PTPRF: variants seen among roughly 807,000 people sequenced by gnomAD.
PTPRF encodes the protein protein tyrosine phosphatase receptor type F, also known as receptor-type tyrosine-protein phosphatase F.
In PTPRF, 59 loss-of-function variants were observed where a neutral mutation model predicts 201.8. That is an observed-to-expected ratio of 0.29 (90% confidence interval 0.24 to 0.36). The LOEUF (loss-of-function observed/expected upper bound fraction) is 0.36. Ranked by LOEUF, PTPRF falls within the 10% of genes least tolerant of loss-of-function variation. The pLI is 1.00. For missense variants in PTPRF, 2,132 were observed against 2,690.5 expected, an observed-to-expected ratio of 0.79 and a Z score of 4.59; for synonymous variants, 1,088 against 1,089.7, an observed-to-expected ratio of 1.00 and a Z score of 0.03.
At chr1:43,544,338 G>A (rs140403380) in intron 2 of PTPRF, among the ~76,000 whole-genome samples, 1,600 of 152,324 alleles carry the variant, frequency 0.011, 28 homozygotes, top group African/African-American at 0.037. Context: ...CATGGGAATG[G>A]GTAGGACGAG....
At chr1:43,529,578 A>G (rs1364236432), upstream of PTPRF, among the ~76,000 whole-genome samples, 1 of 150,432 alleles carries the variant, frequency 6.6e-6, no homozygotes, top group Non-Finnish European at 1.5e-5. Flanking sequence ...TACCTGACCC[A>G]GGGCAGTGGG....
chr1:43,529,371 G>A (rs1023154511), upstream of PTPRF, among the ~76,000 whole-genome samples: 1 of 152,182 alleles, frequency 6.6e-6, no homozygotes. Context: ...GTGGTTACCA[G>A]AACCTGATTC....
chr1:43,548,400 C>T (rs1050474986), intron 3 of PTPRF, among the ~76,000 whole-genome samples: 1 of 151,960 alleles, frequency 6.6e-6, no homozygotes, highest in Non-Finnish European at 1.5e-5. Flanking sequence ...TGTGTCATTT[C>T]CCTCCTCCCC....
Position 43,603,477 on chromosome 1 carries a change from C to A in PTPRF, c.2402C>A (p.Thr801Asn), listed in dbSNP as rs2154024505. The A allele has an allele frequency of 6.2e-7, 1 of 1,614,142 alleles. No individual in the cohort carries two copies. The highest frequency in any genetic ancestry group is 2.2e-5 in the East Asian group (1 of 44,878). Reference sequence around the variant, plus strand: ...TACTCCGTTACTGTTGCTGCCTATACCACCAAGGGGGATGGTGCCCGCAGC... The same window carrying A: ...TACTCCGTTACTGTTGCTGCCTATAACACCAAGGGGGATGGTGCCCGCAGC... ...TTYSVTVAAYTTKGDGARSKP... is the reference protein window; with the variant it reads ...TTYSVTVAAYNTKGDGARSKP... The change falls in exon 15 of 34, where the codon ACC (threonine) becomes AAC (asparagine). Residue 801 changes from threonine to asparagine, a missense_variant. By Grantham distance (65) the Thr-to-Asn change is moderately conservative. Coordinates refer to ENST00000359947, the MANE Select transcript of PTPRF (RefSeq NM_002840.5). This position sits in a 1 kb window ranked among gnomAD's most constrained non-coding sequence, Gnocchi z 5.8.
At chr1:43,533,450 G>A (rs1570866811) in intron 1 of PTPRF, among the ~76,000 whole-genome samples, 1 of 152,256 alleles carries the variant, frequency 6.6e-6, no homozygotes, top group South Asian at 2.1e-4. Context: ...CCATCAGCCT[G>A]AACTATGGGA....
At chr1:43,599,233 G>A (rs902316937) in intron 13 of PTPRF, among the ~76,000 whole-genome samples, 2 of 152,060 alleles carry the variant, frequency 1.3e-5, no homozygotes, top group African/African-American at 4.8e-5. Context: ...CTGCCACTGC[G>A]CCTAGCCAAT....
upstream of PTPRF, among the ~76,000 whole-genome samples, chr1:43,525,779 T>A (rs1226078662): frequency 8.9e-6 from 1 of 112,432 alleles, no homozygotes; most frequent in Non-Finnish European, 1.6e-5. Flanking sequence ...CCCTCCAGCC[T>A]AGACGACAGA....
intron 23 of PTPRF, 112 bp downstream of exon 23, chr1:43,613,827 TC>T: frequency 1.1e-6 from 1 of 925,580 alleles, no homozygotes; most frequent in Non-Finnish European, 1.7e-6. Flanking sequence ...TCCAGCTTTT[TC>T]AGGAGCACAG....
intron 1 of PTPRF, among the ~76,000 whole-genome samples, chr1:43,534,666 G>A (rs1330256639): frequency 6.6e-6 from 1 of 152,126 alleles, no homozygotes; most frequent in Non-Finnish European, 1.5e-5. Flanking sequence ...TGGAGGCTCA[G>A]TGGGGGAGGC....
Position 43,606,349 on chromosome 1 carries a change from T to C in PTPRF, c.3593T>C (p.Phe1198Ser). Reference protein sequence around the residue: ...AAQLDVLPETFTLGDKKNYRG... With the variant: ...AAQLDVLPETSTLGDKKNYRG... ...CAACTGGATGTGCTCCCGGAGACCT[T>C]TACCTTGGGGGACAAGAAGAACTAC... The change falls in exon 20 of 34, where the codon TTT becomes TCT. Residue 1198 changes from phenylalanine to serine, a missense_variant. By Grantham distance (155) the Phe-to-Ser change is radical (BLOSUM62 -2). Transcript: ENST00000359947. 6.2e-7 allele frequency: 1 copy of C among 1,614,118 alleles called. No homozygotes were observed. The highest frequency in any genetic ancestry group is 8.5e-7 in the Non-Finnish European group (1 of 1,180,004).
chr1:43,535,440 C>T (rs1643942309), intron 1 of PTPRF, among the ~76,000 whole-genome samples: 2 of 152,130 alleles, frequency 1.3e-5, no homozygotes, highest in South Asian at 2.1e-4. Context: ...TCCAGATGCA[C>T]CATGTCTCTG....
intron 10 of PTPRF, 120 bp from the exon 11 acceptor site, chr1:43,592,337 T>C (rs1033645051): frequency 3.4e-5 from 43 of 1,259,296 alleles, no homozygotes; most frequent in Non-Finnish European, 4.5e-5. Flanking sequence ...CCTTATGGTG[T>C]GGAGCCAGTC....
intron 2 of PTPRF, among the ~76,000 whole-genome samples, chr1:43,539,796 G>A (rs1644250678): frequency 6.6e-6 from 1 of 152,182 alleles, no homozygotes; most frequent in South Asian, 2.1e-4. Context: ...CTCTCGGGAG[G>A]CCACTAGCTG....
chr1:43,566,168 C>T (rs768853380), intron 5 of PTPRF, among the ~76,000 whole-genome samples: 2 of 152,280 alleles, frequency 1.3e-5, no homozygotes, highest in East Asian at 3.9e-4. Flanking sequence ...CCCTCTCGCG[C>T]GCGGGGTGTT....
chr1:43,576,401 A>G (rs1646933408), intron 6 of PTPRF, among the ~76,000 whole-genome samples: 1 of 152,200 alleles, frequency 6.6e-6, no homozygotes, highest in African/African-American at 2.4e-5. Context: ...TAGAATGAGG[A>G]TCATCCCTTC....
intron 23 of PTPRF, among the ~76,000 whole-genome samples, chr1:43,616,330 TATC>T (rs1409209990): frequency 6.6e-6 from 1 of 151,562 alleles, no homozygotes; most frequent in African/African-American, 2.4e-5. Flanking sequence ...GCTTCGCTAT[TATC>T]ATTATTGCTC....
At chr1:43,585,039 A>G (rs1570319895) in intron 7 of PTPRF, among the ~76,000 whole-genome samples, 2 of 152,348 alleles carry the variant, frequency 1.3e-5, no homozygotes, top group South Asian at 4.1e-4. Flanking sequence ...ATTGTCTATA[A>G]AATGTCAGCA....
intron 5 of PTPRF, among the ~76,000 whole-genome samples, chr1:43,565,643 A>C (rs1203384352): frequency 6.6e-6 from 1 of 152,016 alleles, no homozygotes; most frequent in Non-Finnish European, 1.5e-5. Flanking sequence ...CCCGGCGCTG[A>C]GGCTGAGGAG....
chr1:43,621,825 C>T (rs673485), intron 33 of PTPRF, 110 bp from the exon 34 acceptor site: 819,084 of 1,090,838 alleles, frequency 0.75, 311,315 homozygotes, highest in African/African-American at 0.92. Context: ...GGGTCCAGCA[C>T]CTGCTCTTGG....
Sources: gnomAD v4.1 joint callset for allele counts (sites outside exome capture counted in the v4.1 genomes callset) on GRCh38, gnomAD v4.1.1 for gene constraint, Gnocchi (gnomAD v3.1) non-coding constraint, MANE v1.5 for transcripts, NCBI Gene and HGNC (gene_info 2026-07-23, HGNC 2026-07-21) for gene names.